Variants in SCAP observed in about 807,000 individuals in gnomAD.
The protein encoded by SCAP is sterol regulatory element-binding protein cleavage-activating protein.
A neutral mutation model predicts 123.6 loss-of-function variants in SCAP; 65 were observed. The ratio of observed to expected loss-of-function variants is 0.53; its 90% CI spans 0.43 to 0.65. The LOEUF (loss-of-function observed/expected upper bound fraction) is 0.65, where lower values mean the gene tolerates loss of function less well. Among genes scored for constraint, SCAP ranks in the 30% least tolerant of loss-of-function variants. The pLI, the probability that SCAP is intolerant of heterozygous loss-of-function variation, is 0.00. For missense variants in SCAP, 1,398 were observed against 1,712.5 expected (o/e 0.82, Z 3.24); for synonymous variants, 740 against 726.3 (o/e 1.02, Z -0.30).
chr3:47,426,504 C>G (rs1042464257), intron 6 of SCAP, among the ~76,000 whole-genome samples: 1 of 152,180 alleles, frequency 6.6e-6, no homozygotes, highest in African/African-American at 2.4e-5. Flanking sequence ...GTGGCGCCAT[C>G]TGGGCTCACT....
At chr3:47,430,675 C>T (rs1033745941) in intron 3 of SCAP, among the ~76,000 whole-genome samples, 1 of 152,182 alleles carries the variant, frequency 6.6e-6, no homozygotes, top group African/African-American at 2.4e-5. Context: ...GGTGAAGGGG[C>T]AACCTGATGA....
chr3:47,430,841 C>T (rs947123404), intron 3 of SCAP, among the ~76,000 whole-genome samples: 9 of 152,008 alleles, frequency 5.9e-5, no homozygotes, highest in South Asian at 2.1e-4. Context: ...GGGCTGCAGT[C>T]GGGAACTCCA....
chr3:47,476,704 T>C (rs1708280199), upstream of SCAP, among the ~76,000 whole-genome samples: 2 of 152,052 alleles, frequency 1.3e-5, no homozygotes, highest in Non-Finnish European at 2.9e-5. Flanking sequence ...AAATCCGAGG[T>C]AGGTCTTGTT....
At chr3:47,437,029 G>A (rs181074944) in intron 2 of SCAP, among the ~76,000 whole-genome samples, 1 of 152,310 alleles carries the variant, frequency 6.6e-6, no homozygotes, top group East Asian at 1.9e-4. Flanking sequence ...CCACACTGGC[G>A]CACATAGCAG....
At chr3:47,437,362 C>T (rs926290480) in intron 2 of SCAP, among the ~76,000 whole-genome samples, 1 of 131,002 alleles carries the variant, frequency 7.6e-6, no homozygotes, top group Non-Finnish European at 1.5e-5. Flanking sequence ...TCACTTGAAC[C>T]GGTGAGCTGA....
In SCAP at chr3:47,423,375, G is replaced by A. The variant is rs142588599; in HGVS notation, c.1150+558C>T. Among the ~76,000 whole-genome samples, 10 of 152,358 alleles carry A rather than the reference G, an allele frequency of 6.6e-5. No individual in the cohort carries two copies. In the East Asian group the frequency reaches 1.9e-3, roughly 29 times the overall value. On this transcript the variant is annotated intron_variant, in intron 9 of 22. Transcript: ENST00000265565. Reference sequence around the variant, plus strand: ...CTAGTGTGCTGGAGTGAGGCAGTAAGAGAAAATACTAGGCGCTAAACTCCC... The same window carrying A: ...CTAGTGTGCTGGAGTGAGGCAGTAAAAGAAAATACTAGGCGCTAAACTCCC...
At position 47,414,596 on chromosome 3, in the gene SCAP, G is replaced by A. The variant is rs1705478879; in HGVS notation, c.3363C>T (p.Ala1121=). The change falls in exon 21 of 23, where the codon GCC becomes GCT. Residue 1121 remains alanine, a synonymous_variant. Coordinates refer to ENST00000265565, the MANE Select transcript of SCAP (RefSeq NM_012235.4). ...CCTGGTCAATGTACACGGTCGTGAT[G>A]GCCCCTGAGTGGCCCTGAAGGGTGA... ...CLFTLQGHSG[A]ITTVYIDQTM... The A allele has an allele frequency of 1.2e-6, 2 of 1,613,346 alleles. No individual in the cohort carries two copies. Among genetic ancestry groups the A allele is most frequent in the Admixed American group, 1.7e-5 (1 of 59,996 alleles).
In SCAP at chr3:47,420,800, G is replaced by A. The variant is rs1705865031; in HGVS notation, c.1345-28C>T. Reference sequence around the variant, plus strand: ...GTTGGGGGCACAGTGGTCAGGGCCTGAGTCCACCATCCAGAGGCTGCTCGC... The same window carrying A: ...GTTGGGGGCACAGTGGTCAGGGCCTAAGTCCACCATCCAGAGGCTGCTCGC... On this transcript the variant is annotated intron_variant, in intron 11 of 22. Coordinates refer to ENST00000265565, the MANE Select transcript of SCAP (RefSeq NM_012235.4). The surrounding 1 kb of genome is among the most constrained non-coding windows in gnomAD (Gnocchi z 5.0). 9 of 1,605,360 alleles carry A rather than the reference G, an allele frequency of 5.6e-6. No homozygotes were observed. Among genetic ancestry groups the A allele is most frequent in the South Asian group, 5.5e-5 (5 of 90,750 alleles).
rs146478019 is a variant in SCAP, at chr3:47,413,912, T to C, written c.3782A>G (p.Asn1261Ser). The C allele has an allele frequency of 1.5e-5, 24 of 1,613,106 alleles. No individual in the cohort carries two copies. Among genetic ancestry groups the C allele is most frequent in the Admixed American group, 1.0e-4 (6 of 59,990 alleles). ...CACCAGGCTGAGCTCACTGCCAAAG[T>C]TGCAGACAATGGCAGCGTTGTCCAG... ...LVLDNAAIVC[N>S]FGSELSLVYV... Residue 1261 changes from asparagine to serine, a missense_variant, in exon 23 of 23, where the codon AAC becomes AGC. By Grantham distance (46) the Asn-to-Ser change is conservative. Around this residue, in one of 7 missense-constraint regions of SCAP, gnomAD observed 130 missense variants for 166.7 expected, o/e 0.78. Transcript: ENST00000265565.
chr3:47,419,823 C>T lies in SCAP; in HGVS notation c.1564-119G>A. 8.2e-7 allele frequency: 1 copy of T among 1,216,324 alleles called. No individual in the cohort carries two copies. The highest frequency in any genetic ancestry group is 1.1e-6 in the Non-Finnish European group (1 of 900,310). The allele number at this position is 1,216,324 out of a possible 1,614,324, so 75.3% of individuals were successfully genotyped here. ...CAGGCCTGGGGATGGAGAGAGGACA[C>T]AGGCCCCACTGCGTCCTTTTCTCCT... On this transcript the variant is annotated intron_variant, in intron 12 of 22. Coordinates refer to ENST00000265565, the MANE Select transcript of SCAP (RefSeq NM_012235.4). This position sits in a 1 kb window ranked among gnomAD's most constrained non-coding sequence, Gnocchi z 5.0.
In SCAP at chr3:47,417,712, C is replaced by A; in HGVS notation, c.2562G>T (p.Leu854=). 6.2e-7 allele frequency: 1 copy of A among 1,608,272 alleles called. No homozygotes were observed. The highest frequency in any genetic ancestry group is 8.5e-7 in the Non-Finnish European group (1 of 1,178,720). ...GPEEPGDSPP[L]RHRPRGPPPP... The stretch of plus-strand genomic sequence containing the variant: ...GCGGAGGGCCCCGGGGGCGGTGTCT[C>A]AGGGGAGGGCTGTCCCCAGGCTCCT... The change falls in exon 17 of 23, where the codon CTG becomes CTT. Residue 854 remains leucine (L), a synonymous_variant. Coordinates refer to ENST00000265565, the MANE Select transcript of SCAP (RefSeq NM_012235.4).
intron 1 of SCAP, among the ~76,000 whole-genome samples, chr3:47,472,460 A>AAAT (rs34363569): frequency 0.86 from 124,906 of 145,598 alleles, 54,889 homozygotes; most frequent in East Asian, 0.98. Context: ...AAATAAAATA[A>AAAT]AATAATAATA....
intron 3 of SCAP, among the ~76,000 whole-genome samples, chr3:47,433,461 C>T (rs1171748662): frequency 6.6e-6 from 1 of 152,244 alleles, no homozygotes; most frequent in Non-Finnish European, 1.5e-5. Context: ...CTCACAAACA[C>T]ATCACACCCC....
rs199728489 is a variant in SCAP at position 47,442,972 on chromosome 3, G to A, written c.22C>T (p.Arg8Cys). 44 of 1,613,902 alleles carry A rather than the reference G, an allele frequency of 2.7e-5. 1 individual carries two copies. Among genetic ancestry groups the A allele is most frequent in the Non-Finnish European group, 3.6e-5 (43 of 1,180,036 alleles). The change falls in exon 2 of 23, where the codon CGT becomes TGT. Residue 8 changes from arginine to cysteine, a missense_variant. Arg to Cys is a radical substitution (Grantham distance 180, BLOSUM62 -3). Coordinates refer to ENST00000265565, the MANE Select transcript of SCAP (RefSeq NM_012235.4). ...TAGAAGGCCCGAGATATCTTCTCAC[G>A]CAGCCTTTCAGTCAGGGTCATCCTC... MTLTERL[R>C]EKISRAFYNH...
intron 2 of SCAP, among the ~76,000 whole-genome samples, chr3:47,441,125 C>G (rs145375232): frequency 2.0e-5 from 3 of 152,042 alleles, no homozygotes; most frequent in African/African-American, 7.2e-5. Context: ...TGGTCTCGAT[C>G]GCCTGACCTC....
chr3:47,432,580 G>A (rs1011440370), intron 3 of SCAP, among the ~76,000 whole-genome samples: 2 of 152,210 alleles, frequency 1.3e-5, no homozygotes. Flanking sequence ...AGTGAGTCGA[G>A]TAGGGAAGGA....
rs750502951 is a variant in SCAP, at chr3:47,414,917, G to T, written c.3216C>A (p.His1072Gln). The change falls in exon 20 of 23, where the codon CAC (histidine) becomes CAA (glutamine). Residue 1072 changes from histidine (H) to glutamine (Q), a missense_variant. Around this residue, in one of 7 missense-constraint regions of SCAP, gnomAD observed 828 missense variants for 882.5 expected, o/e 0.94. Transcript: ENST00000265565. ...SSDTVACHLTHTVPCAHQKPI... is the reference protein window; with the variant it reads ...SSDTVACHLTQTVPCAHQKPI... Reference sequence around the variant, plus strand: ...GTTTTTGGTGTGCACAGGGCACTGTGTGGGTCAGGTGACAGGCCACTGTGT... The same window carrying T: ...GTTTTTGGTGTGCACAGGGCACTGTTTGGGTCAGGTGACAGGCCACTGTGT... The T allele has an allele frequency of 1.9e-6, 3 of 1,612,784 alleles. No individual in the cohort carries two copies. Among genetic ancestry groups the T allele is most frequent in the Non-Finnish European group, 2.5e-6 (3 of 1,179,806 alleles).
At chr3:47,425,293 G>T in intron 8 of SCAP, 192 bp downstream of exon 8, 1 of 631,006 alleles carries the variant, frequency 1.6e-6, no homozygotes, top group Non-Finnish European at 2.6e-6. Flanking sequence ...AGCTAGATAT[G>T]CTATATACAA....
chr3:47,466,394 T>C (rs1253622601), intron 1 of SCAP, among the ~76,000 whole-genome samples: 4 of 152,166 alleles, frequency 2.6e-5, no homozygotes, highest in African/African-American at 9.6e-5. Context: ...TTCACACACA[T>C]GTGAGATGAG....
Sources: gnomAD v4.1 joint callset for allele counts (sites outside exome capture counted in the v4.1 genomes callset) on GRCh38, gnomAD v4.1.1 for gene constraint, gnomAD v4.1.1 regional missense constraint, Gnocchi (gnomAD v3.1) non-coding constraint, MANE v1.5 for transcripts, NCBI Gene and HGNC (gene_info 2026-07-23, HGNC 2026-07-21) for gene names.